Variants in CLDN10 observed in about 807,000 individuals in gnomAD.
CLDN10 encodes the protein claudin-10.
A neutral mutation model predicts 22.9 loss-of-function variants in CLDN10; 15 were observed. That is an observed-to-expected ratio of 0.65 (90% confidence interval 0.44 to 1.01). The LOEUF (loss-of-function observed/expected upper bound fraction) is 1.01, where lower values mean the gene tolerates loss of function less well. CLDN10 is among the 50% of genes least tolerant of loss of function. The pLI is 0.00. For missense variants in CLDN10, 247 were observed against 287.8 expected (o/e 0.86, Z 1.03); for synonymous variants, 114 against 111.4 (o/e 1.02, Z -0.15).
chr13:95,442,583 G>A (rs1251382131), intron 1 of CLDN10, among the ~76,000 whole-genome samples: 1 of 152,196 alleles, frequency 6.6e-6, no homozygotes, highest in East Asian at 1.9e-4. Flanking sequence ...CTTGGAATGG[G>A]GAGAAAAGGC....
intron 3 of CLDN10, among the ~76,000 whole-genome samples, chr13:95,563,474 T>C (rs556160676): frequency 6.6e-6 from 1 of 152,098 alleles, no homozygotes; most frequent in East Asian, 1.9e-4. Context: ...TGCTTATCCA[T>C]TGGTAATATT....
At chr13:95,454,391 GC>G (rs2042462389) in intron 1 of CLDN10, among the ~76,000 whole-genome samples, 1 of 152,094 alleles carries the variant, frequency 6.6e-6, no homozygotes, top group African/African-American at 2.4e-5. Flanking sequence ...CAGTGAGATT[GC>G]CCCACTGCAC....
chr13:95,566,108 T>C (rs1459549478), intron 3 of CLDN10, among the ~76,000 whole-genome samples: 3 of 152,212 alleles, frequency 2.0e-5, no homozygotes, highest in Admixed American at 1.3e-4. Flanking sequence ...GTCTTTATAG[T>C]AGCATGATTT....
intron 1 of CLDN10, among the ~76,000 whole-genome samples, chr13:95,468,218 T>TG (rs2042597971): frequency 3.1e-5 from 4 of 129,838 alleles, no homozygotes; most frequent in African/African-American, 1.1e-4. Context: ...ATTCTTCCTG[T>TG]TTTTGTTTGT....
In CLDN10 at chr13:95,573,896, G is replaced by A. The variant is rs1207392043; in HGVS notation, c.465-3335G>A. On this transcript the variant is annotated intron_variant, in intron 3 of 4. Transcript: ENST00000299339. ...CCTCCTCCCCCCACAACAGGCCCCC[G>A]TGTGTGATGTTCCCCACCCTGTGTC... 7.7e-5 allele frequency among the ~76,000 whole-genome samples: 11 copies of A among 143,308 alleles called. No individual in the cohort carries two copies. The East Asian group carries it at 1.0e-3, about 13-fold the overall frequency. The allele number at this position is 143,308 out of a possible 152,430, so 94.0% of individuals were successfully genotyped here. A position where few individuals can be genotyped will look rare whatever the true frequency, so the allele number is the denominator to read the frequency against.
intron 1 of CLDN10, among the ~76,000 whole-genome samples, chr13:95,447,743 G>A (rs76983748): frequency 2.2e-4 from 7 of 31,272 alleles, no homozygotes; most frequent in Admixed American, 4.8e-4. Context: ...GTGCACATGC[G>A]TGTGTGTGTG....
At chr13:95,454,380 G>A (rs1276197502) in intron 1 of CLDN10, among the ~76,000 whole-genome samples, 3 of 152,160 alleles carry the variant, frequency 2.0e-5, no homozygotes, top group African/African-American at 7.2e-5. Context: ...GGTGGAGGTT[G>A]CAGTGAGATT....
At chr13:95,538,153 CTTTTTTTTTTTTTT>C (rs1176533524) in intron 1 of CLDN10, among the ~76,000 whole-genome samples, 1 of 66,802 alleles carries the variant, frequency 1.5e-5, no homozygotes, top group Non-Finnish European at 2.6e-5. Context: ...CTGTTTATTT[CTTTTTTTTTTTTTT>C]TTTTTTTTTT....
chr13:95,484,311 C>G (rs973955669), intron 1 of CLDN10, among the ~76,000 whole-genome samples: 13 of 152,098 alleles, frequency 8.5e-5, no homozygotes, highest in Admixed American at 2.0e-4. Context: ...ATCACAGTAT[C>G]CACTGCACAC....
chr13:95,561,056 G>A (rs1481236622), intron 3 of CLDN10: 2 of 152,296 alleles, frequency 1.3e-5, no homozygotes, highest in Non-Finnish European at 2.9e-5. Context: ...TTGCTTGTTG[G>A]TGTTGTTTTT....
chr13:95,452,381 G>T (rs952941604), intron 1 of CLDN10, among the ~76,000 whole-genome samples: 1 of 152,122 alleles, frequency 6.6e-6, no homozygotes. Flanking sequence ...TTTTTAAAAA[G>T]GCTCTGATTA....
intron 1 of CLDN10, among the ~76,000 whole-genome samples, chr13:95,519,164 A>T (rs1028999290): frequency 2.0e-5 from 3 of 152,224 alleles, no homozygotes; most frequent in Non-Finnish European, 4.4e-5. Context: ...TTGGTGTATT[A>T]GTTAAGAATT....
intron 1 of CLDN10, among the ~76,000 whole-genome samples, chr13:95,514,286 C>T (rs914931746): frequency 6.6e-6 from 1 of 151,900 alleles, no homozygotes; most frequent in Non-Finnish European, 1.5e-5. Context: ...AGAGAAAAAA[C>T]CTTCCAGCCT....
chr13:95,452,322 G>A (rs1200695899), intron 1 of CLDN10, among the ~76,000 whole-genome samples: 2 of 152,054 alleles, frequency 1.3e-5, no homozygotes, highest in Non-Finnish European at 2.9e-5. Context: ...AGCCCTCCCT[G>A]TATTGGAAAG....
At chr13:95,521,674 T>C (rs1010118905) in intron 1 of CLDN10, among the ~76,000 whole-genome samples, 3 of 152,172 alleles carry the variant, frequency 2.0e-5, no homozygotes, top group Non-Finnish European at 2.9e-5. Flanking sequence ...ATTAGGATTT[T>C]GTATCAAAAT....
At position 95,496,485 on chromosome 13, in the gene CLDN10, T is replaced by C. The variant is rs183057539; in HGVS notation, c.214+62438T>C. On this transcript the variant is annotated intron_variant, in intron 1 of 4. Coordinates refer to the CLDN10 transcript ENST00000376873. Reference sequence around the variant, plus strand: ...AAAAGCACTACCCCTTGTCTTACTGTGCTCAGGCTGCGATTACAAAATACC... The same window carrying C: ...AAAAGCACTACCCCTTGTCTTACTGCGCTCAGGCTGCGATTACAAAATACC... 1.1e-4 allele frequency among the ~76,000 whole-genome samples: 17 copies of C among 152,320 alleles called. 1 individual carries two copies. The East Asian group carries it at 3.3e-3, about 29-fold the overall frequency.
intron 3 of CLDN10, among the ~76,000 whole-genome samples, chr13:95,569,862 G>A (rs550106681): frequency 4.8e-4 from 72 of 151,542 alleles, no homozygotes; most frequent in Non-Finnish European, 6.5e-4. Flanking sequence ...ACCGCCTCCT[G>A]GGTTCACGCC....
chr13:95,513,522 G>C (rs930717143), intron 1 of CLDN10, among the ~76,000 whole-genome samples: 2 of 146,680 alleles, frequency 1.4e-5, no homozygotes, highest in African/African-American at 4.9e-5. Flanking sequence ...CACCCTTCTT[G>C]CTCAACATCC....
chr13:95,559,380 CAG>C (rs1010182964), intron 1 of CLDN10, among the ~76,000 whole-genome samples: 1 of 152,158 alleles, frequency 6.6e-6, no homozygotes, highest in African/African-American at 2.4e-5. Context: ...AACGAACTGA[CAG>C]AACATACTCG....
Sources: gnomAD v4.1 joint callset for allele counts (sites outside exome capture counted in the v4.1 genomes callset) on GRCh38, gnomAD v4.1.1 for gene constraint, MANE v1.5 for transcripts, NCBI Gene and HGNC (gene_info 2026-07-23, HGNC 2026-07-21) for gene names.